The following NRXN2 variants were observed in gnomAD, a reference collection of about 807,000 sequenced individuals.
NRXN2 encodes neurexin 2, also known as neurexin-2-beta.
Under a neutral mutation model 128.8 loss-of-function variants are expected in NRXN2, and 29 were observed. The ratio of observed to expected loss-of-function variants is 0.23; its 90% confidence interval spans 0.17 to 0.31. The LOEUF is 0.31. Among genes scored for constraint, NRXN2 ranks in the 10% least tolerant of loss-of-function variants. The probability of loss-of-function intolerance (pLI) is 1.00; values close to 1 mark genes in which losing one functional copy is unlikely to be tolerated. For missense variants in NRXN2, 1,881 were observed against 2,452.6 expected (o/e 0.77, Z 4.92); for synonymous variants, 1,098 against 1,075.2 (o/e 1.02, Z -0.41).
chr11:64,653,637 C>T (rs1351297271), intron 12 of NRXN2, 59 bp downstream of exon 12: 8 of 1,512,938 alleles, frequency 5.3e-6, no homozygotes, highest in Non-Finnish European at 7.2e-6. Context: ...TCCCTAAATC[C>T]CAGCGTCCAG....
At chr11:64,671,529 C>T (rs899287157) in intron 7 of NRXN2, among the ~76,000 whole-genome samples, 4 of 152,038 alleles carry the variant, frequency 2.6e-5, no homozygotes, top group African/African-American at 7.2e-5. Context: ...AGGGGTGGGG[C>T]CGGTGGGGGA....
intron 11 of NRXN2, among the ~76,000 whole-genome samples, chr11:64,657,408 C>G (rs147084606): frequency 6.6e-5 from 10 of 152,332 alleles, no homozygotes; most frequent in African/African-American, 2.4e-4. Context: ...AAGTGGCCCC[C>G]AGGCCTGGCT....
intron 7 of NRXN2, among the ~76,000 whole-genome samples, chr11:64,673,120 G>A (rs1203699345): frequency 6.6e-6 from 1 of 152,140 alleles, no homozygotes; most frequent in African/African-American, 2.4e-5. Flanking sequence ...TGCTTTCTCT[G>A]GGCTTCAGCT....
intron 2 of NRXN2, among the ~76,000 whole-genome samples, chr11:64,705,484 A>G (rs914514123): frequency 2.7e-5 from 4 of 149,876 alleles, no homozygotes; most frequent in Non-Finnish European, 5.9e-5. Context: ...CTGTGTTCCA[A>G]TTGCTCCTTT....
intron 22 of NRXN2, among the ~76,000 whole-genome samples, chr11:64,614,731 C>T (rs1399988804): frequency 6.6e-6 from 1 of 152,242 alleles, no homozygotes; most frequent in Non-Finnish European, 1.5e-5. Context: ...CTGCCCCACA[C>T]CACAGTATGC....
chr11:64,622,652 C>G lies in NRXN2; in HGVS notation c.4173+101G>C. ...GCAGCCTTCAGGATCCCAACAGACCCCTTGGACCCTCACTCTAGGCACCAC... is the reference window on the plus strand; with the variant it reads ...GCAGCCTTCAGGATCCCAACAGACCGCTTGGACCCTCACTCTAGGCACCAC... On this transcript the variant is annotated intron_variant, in intron 21 of 22. Transcript: ENST00000265459. The surrounding 1 kb of genome is among the most constrained non-coding windows in gnomAD (Gnocchi z 4.3). 6.7e-7 allele frequency: 1 copy of G among 1,489,616 alleles called. No homozygotes were observed. The highest frequency in any genetic ancestry group is 9.1e-7 in the Non-Finnish European group (1 of 1,102,294). The allele number at this position is 1,489,616 out of a possible 1,614,324, so 92.3% of individuals were successfully genotyped here.
At chr11:64,693,602 T>C (rs1296335520) in intron 3 of NRXN2, among the ~76,000 whole-genome samples, 2 of 152,110 alleles carry the variant, frequency 1.3e-5, no homozygotes, top group African/African-American at 2.4e-5. Context: ...AGGACACCTG[T>C]TGGGTTCTAA....
chr11:64,718,180 C>T lies in NRXN2; in HGVS notation c.-244-4237G>A, dbSNP rs1195581452. ...AACCTGACCAAAGGCCTCAGCCCTA[C>T]GCCATCAGGGGCAAGTATGCAAATG... On this transcript the variant is annotated intron_variant, in intron 1 of 22. Transcript: ENST00000265459. 3.9e-5 allele frequency among the ~76,000 whole-genome samples: 6 copies of T among 152,304 alleles called. No homozygotes were observed. The South Asian group carries it at 6.2e-4, about 16-fold the overall frequency.
At chr11:64,688,570 AG>A in intron 5 of NRXN2, 1 of 985,418 alleles carries the variant, frequency 1.0e-6, no homozygotes, top group Non-Finnish European at 1.2e-6. Flanking sequence ...CTGAAGCACC[AG>A]GGGGCGCTCT....
chr11:64,642,923 A>T (rs2045962632), intron 17 of NRXN2: 3 of 1,024,812 alleles, frequency 2.9e-6, no homozygotes, highest in Non-Finnish European at 3.5e-6. Context: ...GATGAAGCGG[A>T]GGTAAACCAG....
intron 4 of NRXN2, among the ~76,000 whole-genome samples, chr11:64,691,522 T>G (rs1297863262): frequency 2.0e-5 from 3 of 152,232 alleles, no homozygotes; most frequent in African/African-American, 7.2e-5. Context: ...AATGGGCTCT[T>G]ACTTCAACCC....
At chr11:64,614,984 G>T (rs2041251842) in intron 22 of NRXN2, among the ~76,000 whole-genome samples, 1 of 152,202 alleles carries the variant, frequency 6.6e-6, no homozygotes. Flanking sequence ...GATCCTTGAT[G>T]ACCACAGGCA....
Position 64,607,033 on chromosome 11 carries a change from G to T in NRXN2, c.*163C>A. On this transcript the variant is annotated 3_prime_UTR_variant, in exon 23 of 23. Transcript: ENST00000265459. The stretch of plus-strand genomic sequence containing the variant: ...CAGTGGACGGCAGGAGGAAGGGGGC[G>T]AGCACGGGGTTTTTCCTTTTCTTTT... The T allele has an allele frequency of 1.4e-6, 1 of 737,236 alleles. No individual in the cohort carries two copies. The highest frequency in any genetic ancestry group is 2.2e-6 in the Non-Finnish European group (1 of 463,662). The allele number at this position is 737,236 out of a possible 1,614,324, so 45.7% of individuals were successfully genotyped here.
intron 7 of NRXN2, among the ~76,000 whole-genome samples, chr11:64,674,397 G>C (rs12222043): frequency 0.065 from 9,868 of 152,014 alleles, 510 homozygotes; most frequent in East Asian, 0.29. Context: ...TCACCATGTT[G>C]GCCAGGCTGG....
Position 64,713,386 on chromosome 11 carries a change from G to T in NRXN2, c.314C>A (p.Thr105Lys), listed in dbSNP as rs1337021462. The T allele has an allele frequency of 2.7e-6, 4 of 1,466,264 alleles. No individual in the cohort carries two copies. Among genetic ancestry groups the T allele is most frequent in the Admixed American group, 2.3e-5 (1 of 42,962 alleles). 90.8% of individuals were successfully genotyped at this position (1,466,264 alleles called of 1,614,324 possible). A position where few individuals can be genotyped will look rare whatever the true frequency, so the allele number is the denominator to read the frequency against. ...GTGCCAGCGGTCGTCGGCCACCGGC[G>T]TGTCCAGCTGCAGCGTGGCCGGCTC... The part of the protein sequence containing the change: ...CAEPATLQLD[T>K]PVADDRWHMV... The change falls in exon 2 of 23, where the codon ACG becomes AAG. Residue 105 changes from threonine (T) to lysine (K), a missense_variant. Coordinates refer to ENST00000265459, the MANE Select transcript of NRXN2 (RefSeq NM_015080.4).
intron 2 of NRXN2, among the ~76,000 whole-genome samples, chr11:64,706,427 G>A (rs1479472265): frequency 1.3e-5 from 2 of 150,324 alleles, no homozygotes; most frequent in African/African-American, 2.5e-5. Context: ...GCGGTGTTTG[G>A]TTTTTTGTCC....
At chr11:64,611,004 GTC>G (rs1235576744) in intron 22 of NRXN2, among the ~76,000 whole-genome samples, 2 of 152,214 alleles carry the variant, frequency 1.3e-5, no homozygotes, top group African/African-American at 2.4e-5. Flanking sequence ...TGCCTTGAGT[GTC>G]TCTGACACCA....
intron 4 of NRXN2, among the ~76,000 whole-genome samples, chr11:64,692,199 A>G (rs955285260): frequency 1.3e-5 from 2 of 152,226 alleles, no homozygotes; most frequent in Non-Finnish European, 2.9e-5. Context: ...CTGGTCCTCA[A>G]CGTCGTCATC....
chr11:64,693,582 G>A (rs1266821685), intron 3 of NRXN2, among the ~76,000 whole-genome samples: 5 of 152,126 alleles, frequency 3.3e-5, no homozygotes, highest in Non-Finnish European at 2.9e-5. Context: ...CCACTAAAGC[G>A]GGGTTTGGAA....
Sources: allele counts gnomAD v4.1 joint callset (sites outside exome capture counted in the v4.1 genomes callset), GRCh38; gene constraint gnomAD v4.1.1; non-coding constraint Gnocchi (gnomAD v3.1); transcripts MANE v1.5; gene names NCBI Gene and HGNC (gene_info 2026-07-23, HGNC 2026-07-21).